GLI3: variants seen among roughly 807,000 people sequenced by gnomAD.
The protein encoded by GLI3 is transcription activator GLI3.
Under a neutral mutation model 100.8 loss-of-function variants are expected in GLI3, and 20 were observed. That is an observed-to-expected ratio of 0.20 (90% confidence interval 0.14 to 0.29). The LOEUF (loss-of-function observed/expected upper bound fraction) is 0.29. Ranked by LOEUF, GLI3 falls within the 10% of genes least tolerant of loss-of-function variation. The probability of loss-of-function intolerance (pLI) is 1.00; values close to 1 mark genes in which losing one functional copy is unlikely to be tolerated. For synonymous variants in GLI3, 938 were observed against 860.5 expected (o/e 1.09, Z -1.58); for missense variants, 2,040 against 2,128.5 (o/e 0.96, Z 0.82).
chr7:42,099,039 C>T (rs1411934722), intron 3 of GLI3, among the ~76,000 whole-genome samples: 4 of 152,098 alleles, frequency 2.6e-5, no homozygotes, highest in Non-Finnish European at 5.9e-5. Flanking sequence ...CTGCCTGCTC[C>T]CCCGTGCCAA....
At chr7:42,256,264 A>G (rs185922472) in intron 1 of GLI3, among the ~76,000 whole-genome samples, 24 of 152,068 alleles carry the variant, frequency 1.6e-4, no homozygotes, top group African/African-American at 5.5e-4. Flanking sequence ...TATCAGTTGA[A>G]GCACAAAAGT....
chr7:42,246,805 CTTTTTT>C (rs71006467), intron 1 of GLI3, among the ~76,000 whole-genome samples: 11 of 94,974 alleles, frequency 1.2e-4, no homozygotes, highest in African/African-American at 3.9e-4. Flanking sequence ...ATGATAGAAT[CTTTTTT>C]TTTTTTTTTT....
At chr7:42,050,812 C>T (rs1272838628) in intron 4 of GLI3, among the ~76,000 whole-genome samples, 2 of 152,184 alleles carry the variant, frequency 1.3e-5, no homozygotes, top group Non-Finnish European at 2.9e-5. Context: ...CCTATTATTT[C>T]TCCAAAATTC....
chr7:42,110,308 A>T (rs1003587713), intron 3 of GLI3, among the ~76,000 whole-genome samples: 5 of 152,240 alleles, frequency 3.3e-5, no homozygotes, highest in African/African-American at 1.2e-4. Flanking sequence ...AATCCAGCAT[A>T]GGATACCCAA....
At chr7:42,258,793 C>T (rs930694928) in intron 1 of GLI3, among the ~76,000 whole-genome samples, 2 of 152,130 alleles carry the variant, frequency 1.3e-5, no homozygotes, top group African/African-American at 4.8e-5. Flanking sequence ...CCCTCCTGAC[C>T]TAATCACCCA....
intron 2 of GLI3, among the ~76,000 whole-genome samples, chr7:42,174,765 G>T (rs1476521251): frequency 3.3e-5 from 5 of 152,194 alleles, no homozygotes; most frequent in Non-Finnish European, 5.9e-5. Flanking sequence ...GACGGCACGG[G>T]CGAGGAGTCT....
rs543720513 is a variant in GLI3, at chr7:42,039,946, G to A, written c.1028+92C>T. On this transcript the variant is annotated intron_variant, in intron 7 of 14. Coordinates refer to ENST00000395925, the MANE Select transcript of GLI3 (RefSeq NM_000168.6). ...TCATGCACTTTTATTCTTCCTCATA[G>A]GCAGTTGGTACTGAAAATGCATCAC... 10 of 933,516 alleles carry A rather than the reference G, an allele frequency of 1.1e-5. No homozygotes were observed. In the South Asian group the frequency reaches 1.2e-4, roughly 11 times the overall value. 57.8% of individuals were successfully genotyped at this position (933,516 alleles called of 1,614,324 possible).
chr7:42,233,934 C>T (rs1318135189), intron 1 of GLI3, among the ~76,000 whole-genome samples: 1 of 152,148 alleles, frequency 6.6e-6, no homozygotes, highest in Non-Finnish European at 1.5e-5. Flanking sequence ...TTAATTGCCT[C>T]TCATGATATA....
rs557826966 is a variant in GLI3 at position 42,094,574 on chromosome 7, A to G, written c.368-17717T>C. Among the ~76,000 whole-genome samples, 9 of 152,030 alleles carry G rather than the reference A, an allele frequency of 5.9e-5. No individual in the cohort carries two copies. The East Asian group carries it at 1.6e-3, about 26-fold the overall frequency. On this transcript the variant is annotated intron_variant, in intron 3 of 14. Transcript: ENST00000395925. ...AACATGTCGAAACCCCATCTCTACT[A>G]AAAATACAAAAAAATAGGGCATGGT...
At position 42,148,384 on chromosome 7, in the gene GLI3, T is replaced by C; in HGVS notation, c.209A>G (p.Lys70Arg). ...MQPQNVQGLS[K>R]VSEEPSTSSD... ...CGATGTTGAAGGTTCCTCACTGACT[T>C]TGCTGAGCCCCTGGACATTCTGTGG... The change falls in exon 3 of 15, where the codon AAA becomes AGA. Residue 70 changes from lysine (K) to arginine (R), a missense_variant. Lys to Arg is a conservative substitution (Grantham distance 26, BLOSUM62 2). This residue lies in a region of GLI3 where 603 missense variants were observed against 690.9 expected (regional missense o/e 0.87). Transcript: ENST00000395925. 6.2e-7 allele frequency: 1 copy of C among 1,614,214 alleles called. No homozygotes were observed. Among genetic ancestry groups the C allele is most frequent in the Non-Finnish European group, 8.5e-7 (1 of 1,180,028 alleles).
intron 2 of GLI3, among the ~76,000 whole-genome samples, chr7:42,188,608 T>C (rs779749761): frequency 2.4e-4 from 36 of 152,164 alleles, no homozygotes; most frequent in Non-Finnish European, 5.0e-4. Flanking sequence ...ACAACCAAGA[T>C]GTCCTTCAGT....
chr7:42,138,502 C>T (rs1365900387), intron 3 of GLI3, among the ~76,000 whole-genome samples: 1 of 152,166 alleles, frequency 6.6e-6, no homozygotes, highest in East Asian at 1.9e-4. Flanking sequence ...TGGAGTGGAT[C>T]ACAGATTCTC....
chr7:42,223,762 G>A (rs775637532), intron 1 of GLI3, among the ~76,000 whole-genome samples: 1 of 152,100 alleles, frequency 6.6e-6, no homozygotes, highest in East Asian at 1.9e-4. Flanking sequence ...TTCTAACATC[G>A]AAGGCCTACT....
intron 2 of GLI3, among the ~76,000 whole-genome samples, chr7:42,195,705 C>T (rs1279215636): frequency 6.6e-6 from 1 of 152,132 alleles, no homozygotes; most frequent in East Asian, 1.9e-4. Flanking sequence ...CATCTATTCC[C>T]TAAGGGCAGA....
intron 3 of GLI3, among the ~76,000 whole-genome samples, chr7:42,122,320 T>A (rs1786021978): frequency 7.1e-6 from 1 of 140,806 alleles, no homozygotes; most frequent in Admixed American, 8.0e-5. Flanking sequence ...TCAGATTTTT[T>A]ATGATTTTTA....
At position 41,965,916 on chromosome 7, in the gene GLI3, C is replaced by G. The variant is rs1346124250; in HGVS notation, c.3157G>C (p.Glu1053Gln). 1.2e-6 allele frequency: 2 copies of G among 1,613,440 alleles called. No individual in the cohort carries two copies. Among genetic ancestry groups the G allele is most frequent in the Non-Finnish European group, 1.7e-6 (2 of 1,179,928 alleles). ...SLVLQNYTRP[E>Q]GGQSRNFHSS... Reference sequence around the variant, plus strand: ...TGGAAGTTTCGGGACTGGCCGCCCTCGGGCCGCGTGTAATTCTGAAGCACG... The same window carrying G: ...TGGAAGTTTCGGGACTGGCCGCCCTGGGGCCGCGTGTAATTCTGAAGCACG... The change falls in exon 15 of 15, where the codon GAG becomes CAG. Residue 1053 changes from glutamate (E) to glutamine (Q), a missense_variant. By Grantham distance (29) the Glu-to-Gln change is conservative. Coordinates refer to ENST00000395925, the MANE Select transcript of GLI3 (RefSeq NM_000168.6).
At chr7:42,170,559 C>T (rs1787350553) in intron 2 of GLI3, among the ~76,000 whole-genome samples, 2 of 151,632 alleles carry the variant, frequency 1.3e-5, no homozygotes, top group Admixed American at 6.6e-5. Context: ...CCTGCCACCA[C>T]ACCCAGCCAA....
intron 7 of GLI3, among the ~76,000 whole-genome samples, chr7:42,033,468 G>C (rs1562695268): frequency 1.3e-5 from 2 of 152,204 alleles, no homozygotes; most frequent in Admixed American, 1.3e-4. Context: ...AGAATCCAAT[G>C]AGTATCCCAC....
intron 6 of GLI3, among the ~76,000 whole-genome samples, chr7:42,043,662 AT>A (rs754400761): frequency 4.3e-4 from 66 of 152,332 alleles, no homozygotes; most frequent in Non-Finnish European, 8.1e-4. Flanking sequence ...ATGACAATCA[AT>A]TTACCATATA....
Sources: allele counts gnomAD v4.1 joint callset (sites outside exome capture counted in the v4.1 genomes callset), GRCh38; gene constraint gnomAD v4.1.1; regional missense constraint gnomAD v4.1.1; transcripts MANE v1.5; gene names NCBI Gene and HGNC (gene_info 2026-07-23, HGNC 2026-07-21).